TMEM164: variants seen among roughly 807,000 people sequenced by gnomAD.
TMEM164 encodes the protein transmembrane protein 164, also known as RP13-360B22.2.
A neutral mutation model predicts 18.8 loss-of-function variants in TMEM164; 4 were observed. The ratio of observed to expected loss-of-function variants is 0.21; its 90% CI spans 0.10 to 0.49. The LOEUF is 0.49. Ranked by LOEUF, TMEM164 falls within the 20% of genes least tolerant of loss-of-function variation. The pLI, the probability that TMEM164 is intolerant of heterozygous loss-of-function variation, is 0.98. For synonymous variants in TMEM164, 86 were observed against 101.7 expected (o/e 0.85, Z 0.93); for missense variants, 108 against 239.9 (o/e 0.45, Z 3.63).
At chrX:110,078,711 C>G (rs1250012531) in intron 3 of TMEM164, among the ~76,000 whole-genome samples, 1 of 111,463 alleles carries the variant, frequency 9.0e-6, no homozygotes, top group Non-Finnish European at 1.9e-5. Context: ...TCCAGCTACT[C>G]AGGAGGCTGA....
At position 110,105,546 on chromosome X, in the gene TMEM164, A is replaced by G. The variant is rs774824757; in HGVS notation, c.441-3534A>G. On this transcript the variant is annotated intron_variant, in intron 3 of 6. Transcript: ENST00000372068. ...AGCTGTGCTTTGTCGGTAAAGGGCA[A>G]TGTAGTTGTGTGATCAGGATAGTTG... Among the ~76,000 whole-genome samples, 4 of 109,761 alleles carry G rather than the reference A, an allele frequency of 3.6e-5. 1 individual carries two copies. Among genetic ancestry groups the G allele is most frequent in the African/African-American group, 6.6e-5 (2 of 30,164 alleles).
chrX:110,161,667 C>T (rs2067095676), intron 5 of TMEM164, among the ~76,000 whole-genome samples: 1 of 112,362 alleles, frequency 8.9e-6, no homozygotes, highest in South Asian at 3.7e-4. Context: ...AGACTCTGTC[C>T]CCTTCACTGG....
intron 2 of TMEM164, among the ~76,000 whole-genome samples, chrX:110,050,365 T>G (rs1036118727): frequency 3.6e-5 from 4 of 111,560 alleles, no homozygotes; most frequent in African/African-American, 1.3e-4. Flanking sequence ...TTTGAGGGAG[T>G]TTTCAGAAAA....
At chrX:110,126,073 AGT>A (rs1228951606) in intron 4 of TMEM164, among the ~76,000 whole-genome samples, 2 of 111,959 alleles carry the variant, frequency 1.8e-5, no homozygotes, top group African/African-American at 3.2e-5. Flanking sequence ...CTAGACCAGG[AGT>A]GTGTTTTTCT....
intron 5 of TMEM164, among the ~76,000 whole-genome samples, chrX:110,159,933 G>A (rs772792855): frequency 3.6e-5 from 4 of 111,421 alleles, no homozygotes; most frequent in Non-Finnish European, 7.5e-5. Flanking sequence ...AGACAGATTG[G>A]TTGATCATAA....
At chrX:110,118,825 T>C (rs749444963) in intron 4 of TMEM164, among the ~76,000 whole-genome samples, 4 of 111,747 alleles carry the variant, frequency 3.6e-5, no homozygotes, top group Non-Finnish European at 7.5e-5. Flanking sequence ...CGACATTTGA[T>C]TCATTGTGAA....
intron 5 of TMEM164, among the ~76,000 whole-genome samples, chrX:110,169,381 TG>T (rs1370129661): frequency 9.0e-6 from 1 of 111,405 alleles, no homozygotes; most frequent in Non-Finnish European, 1.9e-5. Context: ...TTCCACATCA[TG>T]GTGATTTTCC....
intron 3 of TMEM164, among the ~76,000 whole-genome samples, chrX:110,098,932 C>CG (rs1433767101): frequency 9.3e-6 from 1 of 106,976 alleles, no homozygotes; most frequent in African/African-American, 3.4e-5. Flanking sequence ...ACAAGGCACC[C>CG]GCCACCACAC....
intron 4 of TMEM164, among the ~76,000 whole-genome samples, chrX:110,113,381 T>A (rs548920419): frequency 2.7e-5 from 3 of 112,161 alleles, no homozygotes; most frequent in East Asian, 5.6e-4. Context: ...TTAGGGCTTT[T>A]TGCCTTGCAG....
intron 3 of TMEM164, among the ~76,000 whole-genome samples, chrX:110,077,817 G>A (rs931565913): frequency 1.8e-5 from 2 of 112,319 alleles, no homozygotes; most frequent in Non-Finnish European, 3.8e-5. Flanking sequence ...ATTCTGCTGA[G>A]AAGTCTGCTG....
At chrX:110,138,702 G>C (rs1027721761) in intron 4 of TMEM164, among the ~76,000 whole-genome samples, 2 of 112,368 alleles carry the variant, frequency 1.8e-5, no homozygotes, top group Non-Finnish European at 3.8e-5. Flanking sequence ...GATGGACCAA[G>C]TAAGATGAGA....
chrX:110,090,557 C>T lies in TMEM164; in HGVS notation c.441-18523C>T, dbSNP rs138449540. 5.6e-3 allele frequency among the ~76,000 whole-genome samples: 621 copies of T among 110,964 alleles called. 8 individuals are homozygous for T. The highest frequency in any genetic ancestry group is 0.019 in the African/African-American group (591 of 30,576). On this transcript the variant is annotated intron_variant, in intron 3 of 6. Coordinates refer to ENST00000372068, the MANE Select transcript of TMEM164 (RefSeq NM_032227.4). ...GTCTTGATCTCCTGACTTTGTGATC[C>T]GCCTGTCTCAGCCTCTCAAAATGCT...
At chrX:110,036,056 A>G (rs1382572130) in intron 2 of TMEM164, among the ~76,000 whole-genome samples, 2 of 111,700 alleles carry the variant, frequency 1.8e-5, no homozygotes, top group African/African-American at 6.5e-5. Context: ...TTTTAAAGCA[A>G]ATTTTAAAAA....
chrX:110,183,647 G>A (rs996044583), downstream of TMEM164, among the ~76,000 whole-genome samples: 4 of 112,289 alleles, frequency 3.6e-5, no homozygotes, highest in Non-Finnish European at 5.6e-5. Flanking sequence ...CAAGACAACA[G>A]TGAATGGGAA....
Position 110,176,447 on chromosome X carries a change from A to G in TMEM164, c.*2996A>G. 1 of 752,500 alleles carries G rather than the reference A, an allele frequency of 1.3e-6. No homozygotes were observed. The highest frequency in any genetic ancestry group is 1.6e-6 in the Non-Finnish European group (1 of 636,233). 62.0% of individuals were successfully genotyped at this position (752,500 alleles called of 1,213,427 possible). A position where few individuals can be genotyped will look rare whatever the true frequency, so the allele number is the denominator to read the frequency against. Reference sequence around the variant, plus strand: ...CAGACTCAGTCTCCCCAAGTCAGCAATCTCTTTCTCTCTCTCTCCTCAAAC... The same window carrying G: ...CAGACTCAGTCTCCCCAAGTCAGCAGTCTCTTTCTCTCTCTCTCCTCAAAC... On this transcript the variant is annotated 3_prime_UTR_variant, in exon 7 of 7. Transcript: ENST00000372068.
intron 5 of TMEM164, among the ~76,000 whole-genome samples, chrX:110,151,651 C>T (rs144643722): frequency 1.2e-3 from 131 of 111,000 alleles, no homozygotes; most frequent in African/African-American, 4.2e-3. Flanking sequence ...TGTGGTGGTG[C>T]GCATGCCCGT....
intron 5 of TMEM164, among the ~76,000 whole-genome samples, chrX:110,154,248 T>C (rs912471810): frequency 1.8e-5 from 2 of 111,953 alleles, no homozygotes; most frequent in Non-Finnish European, 1.9e-5. Flanking sequence ...GATGTGCCTT[T>C]TAAAAGCATT....
intron 6 of TMEM164, 94 bp from the exon 7 acceptor site, chrX:110,173,151 C>G: frequency 1.1e-6 from 1 of 902,956 alleles, no homozygotes; most frequent in South Asian, 2.2e-5. Flanking sequence ...CCCTCCTTGT[C>G]TAGTCCCCCA....
At chrX:110,154,959 T>TA (rs746227938) in intron 5 of TMEM164, among the ~76,000 whole-genome samples, 2 of 112,123 alleles carry the variant, frequency 1.8e-5, no homozygotes, top group Non-Finnish European at 3.8e-5. Context: ...ACTGAGCTGA[T>TA]ACATGAAGAG....
Sources: gnomAD v4.1 joint callset for allele counts (sites outside exome capture counted in the v4.1 genomes callset) on GRCh38, gnomAD v4.1.1 for gene constraint, MANE v1.5 for transcripts, NCBI Gene and HGNC (gene_info 2026-07-23, HGNC 2026-07-21) for gene names.